GTF2B: variants seen among roughly 807,000 people sequenced by gnomAD.
GTF2B encodes general transcription factor IIB.
Under a neutral mutation model 34.6 loss-of-function variants are expected in GTF2B, and 20 were observed. The ratio of observed to expected loss-of-function variants is 0.58; its 90% CI spans 0.41 to 0.84. The LOEUF (loss-of-function observed/expected upper bound fraction) is 0.84, where lower values mean the gene tolerates loss of function less well. Ranked by LOEUF, GTF2B falls within the 40% of genes least tolerant of loss-of-function variation. The pLI is 0.00. For missense variants in GTF2B, 237 were observed against 393.3 expected, an observed-to-expected ratio of 0.60 and a Z score of 3.36; for synonymous variants, 142 against 132.4, an observed-to-expected ratio of 1.07 and a Z score of -0.50.
At chr1:88,881,492 G>A (rs1673938859) in intron 2 of GTF2B, among the ~76,000 whole-genome samples, 1 of 152,116 alleles carries the variant, frequency 6.6e-6, no homozygotes, top group Non-Finnish European at 1.5e-5. Context: ...TTCATGCAGT[G>A]TCATGTTCAA....
chr1:88,864,462 A>C (rs1002576185), intron 2 of GTF2B, among the ~76,000 whole-genome samples: 2 of 152,230 alleles, frequency 1.3e-5, no homozygotes, highest in African/African-American at 2.4e-5. Flanking sequence ...TAGGCATGGG[A>C]AAAAAAGAGA....
intron 6 of GTF2B, among the ~76,000 whole-genome samples, chr1:88,853,677 G>A (rs896244622): frequency 2.0e-5 from 3 of 152,026 alleles, no homozygotes; most frequent in Non-Finnish European, 4.4e-5. Context: ...GGTGGCATGC[G>A]CCTGTAGTCC....
At chr1:88,875,979 G>A (rs892324469) in intron 2 of GTF2B, among the ~76,000 whole-genome samples, 2 of 152,114 alleles carry the variant, frequency 1.3e-5, no homozygotes, top group Non-Finnish European at 2.9e-5. Flanking sequence ...TCTGTAAAAT[G>A]GAAACAAACC....
Position 88,887,245 on chromosome 1 carries a change from C to T in GTF2B, c.124+16G>A. ...CCTGAACAGTAATTTAAATTAAAAC[C>T]ATAATAACAACTCACCTACAACCAA... On this transcript the variant is annotated intron_variant, in intron 2 of 6. Coordinates refer to ENST00000370500, the MANE Select transcript of GTF2B (RefSeq NM_001514.6). The T allele has an allele frequency of 6.7e-7, 1 of 1,494,034 alleles. No individual in the cohort carries two copies. Among genetic ancestry groups the T allele is most frequent in the Non-Finnish European group, 9.3e-7 (1 of 1,072,702 alleles). The allele number at this position is 1,494,034 out of a possible 1,614,324, so 92.5% of individuals were successfully genotyped here. A position where few individuals can be genotyped will look rare whatever the true frequency, so the allele number is the denominator to read the frequency against.
intron 2 of GTF2B, among the ~76,000 whole-genome samples, chr1:88,886,027 G>C (rs1557662266): frequency 6.6e-6 from 1 of 152,164 alleles, no homozygotes; most frequent in African/African-American, 2.4e-5. Context: ...GATAATGGTA[G>C]TACTCACCTC....
In GTF2B at chr1:88,879,980, A is replaced by G. The variant is rs554383346; in HGVS notation, c.124+7281T>C. Among the ~76,000 whole-genome samples, 3 of 151,978 alleles carry G rather than the reference A, an allele frequency of 2.0e-5. No homozygotes were observed. In the South Asian group the frequency reaches 6.3e-4, roughly 32 times the overall value. ...AGGCTGAAGCAGGAGAATTGCCTGA[A>G]CCCGGGAGGTGGAGGTTGTAGTGAG... On this transcript the variant is annotated intron_variant, in intron 2 of 6. Transcript: ENST00000370500.
At chr1:88,882,424 T>A (rs1673972845) in intron 2 of GTF2B, among the ~76,000 whole-genome samples, 1 of 151,820 alleles carries the variant, frequency 6.6e-6, no homozygotes, top group African/African-American at 2.4e-5. Flanking sequence ...ATCAGTTTGA[T>A]CTTAACACTG....
intron 6 of GTF2B, 80 bp downstream of exon 6, chr1:88,857,126 C>G (rs7534197): frequency 1.5e-6 from 2 of 1,307,136 alleles, no homozygotes; most frequent in Non-Finnish European, 2.1e-6. Context: ...GCTATTTACC[C>G]GGTTCAGACT....
intron 2 of GTF2B, among the ~76,000 whole-genome samples, chr1:88,880,802 A>G (rs1350760987): frequency 6.6e-6 from 1 of 152,060 alleles, no homozygotes; most frequent in East Asian, 1.9e-4. Context: ...TGAAGCTAGG[A>G]GTTTGAGACC....
At position 88,852,816 on chromosome 1, in the gene GTF2B, T is replaced by C. The variant is rs1357564028; in HGVS notation, c.*397A>G. The C allele has an allele frequency of 6.3e-6, 1 of 157,932 alleles. No homozygotes were observed. 9.8% of individuals were successfully genotyped at this position (157,932 alleles called of 1,614,324 possible). A position where few individuals can be genotyped will look rare whatever the true frequency, so the allele number is the denominator to read the frequency against. ...TGCTCTTTCCATAAATTTATTAAAA[T>C]AAAAAACTATGTATATATAAGTAAT... On this transcript the variant is annotated 3_prime_UTR_variant, in exon 7 of 7. Coordinates refer to ENST00000370500, the MANE Select transcript of GTF2B (RefSeq NM_001514.6).
chr1:88,859,815 G>T, intron 5 of GTF2B, 67 bp downstream of exon 5: 1 of 1,463,250 alleles, frequency 6.8e-7, no homozygotes, highest in South Asian at 1.2e-5. Context: ...TGGCCTGGGC[G>T]ACAAAGTGAG....
intron 2 of GTF2B, among the ~76,000 whole-genome samples, chr1:88,887,034 T>C (rs1674086309): frequency 6.6e-6 from 1 of 152,026 alleles, no homozygotes; most frequent in Non-Finnish European, 1.5e-5. Context: ...TTCTCCTACC[T>C]CAGCCTCCTG....
intron 2 of GTF2B, among the ~76,000 whole-genome samples, chr1:88,876,984 G>C (rs1020719798): frequency 6.6e-6 from 1 of 152,150 alleles, no homozygotes; most frequent in African/African-American, 2.4e-5. Context: ...GTGTAGGTGT[G>C]AAGACATGGA....
At chr1:88,873,098 C>T (rs1199653167) in intron 2 of GTF2B, among the ~76,000 whole-genome samples, 1 of 151,684 alleles carries the variant, frequency 6.6e-6, no homozygotes, top group Non-Finnish European at 1.5e-5. Flanking sequence ...CACCAGTACT[C>T]TCAGTCTTTA....
At chr1:88,886,084 GA>G (rs1199411013) in intron 2 of GTF2B, among the ~76,000 whole-genome samples, 1 of 152,162 alleles carries the variant, frequency 6.6e-6, no homozygotes, top group African/African-American at 2.4e-5. Flanking sequence ...AAATCATTTA[GA>G]ATAGTGCCTA....
chr1:88,880,945 G>T (rs541118475), intron 2 of GTF2B, among the ~76,000 whole-genome samples: 29 of 149,288 alleles, frequency 1.9e-4, no homozygotes, highest in African/African-American at 6.2e-4. Flanking sequence ...GGAGGTGGAG[G>T]TTACAGTAAG....
rs552241672 is a variant in GTF2B at position 88,870,117 on chromosome 1, A to G, written c.125-6003T>C. Among the ~76,000 whole-genome samples, 99 of 150,266 alleles carry G rather than the reference A, an allele frequency of 6.6e-4. No homozygotes were observed. In the East Asian group the frequency reaches 9.1e-3, roughly 14 times the overall value. ...TAATTTTTGTATTTTCAGTAGAGAC[A>G]GGGTTTCACTGTGTTAACCAGGATG... On this transcript the variant is annotated intron_variant, in intron 2 of 6. Coordinates refer to ENST00000370500, the MANE Select transcript of GTF2B (RefSeq NM_001514.6).
chr1:88,857,691 C>CTTTTTTTTTTTTTGTT (rs368010048), intron 5 of GTF2B, among the ~76,000 whole-genome samples: 1 of 108,152 alleles, frequency 9.2e-6, no homozygotes, highest in Non-Finnish European at 1.8e-5. Flanking sequence ...TTCATCACAC[C>CTTTTTTTTTTTTTGTT]TTTTTTTTTG....
At chr1:88,875,560 G>C (rs1470236023) in intron 2 of GTF2B, among the ~76,000 whole-genome samples, 1 of 152,130 alleles carries the variant, frequency 6.6e-6, no homozygotes, top group East Asian at 1.9e-4. Context: ...CACTACTACT[G>C]TTTAGGCTTC....
Sources: gnomAD v4.1 joint callset for allele counts (sites outside exome capture counted in the v4.1 genomes callset) on GRCh38, gnomAD v4.1.1 for gene constraint, MANE v1.5 for transcripts, NCBI Gene and HGNC (gene_info 2026-07-23, HGNC 2026-07-21) for gene names.